The following UNC45A variants were observed in gnomAD, a reference collection of about 807,000 sequenced individuals.
UNC45A encodes the protein unc-45 myosin chaperone A.
UNC45A carries 78 observed loss-of-function variants against 103.2 expected under a neutral mutation model. The ratio of observed to expected loss-of-function variants is 0.76; its 90% CI spans 0.63 to 0.91. UNC45A has a LOEUF of 0.91. Ranked by LOEUF, UNC45A falls within the 40% of genes least tolerant of loss-of-function variation. The pLI is 0.00. For synonymous variants in UNC45A, 495 were observed against 504.6 expected, an observed-to-expected ratio of 0.98 and a Z score of 0.25; for missense variants, 1,193 against 1,224.8, an observed-to-expected ratio of 0.97 and a Z score of 0.39.
At chr15:90,934,526 T>C (rs2151351895), upstream of UNC45A, 1 of 399,032 alleles carries the variant, frequency 2.5e-6, no homozygotes, top group Middle Eastern at 6.3e-4. Flanking sequence ...ATCTGTCCGC[T>C]CTTCCGCCCC....
Position 90,944,994 on chromosome 15 carries a change from A to C in UNC45A, c.1130A>C (p.Lys377Thr). The C allele has an allele frequency of 1.9e-6, 3 of 1,613,034 alleles. No individual in the cohort carries two copies. Among genetic ancestry groups the C allele is most frequent in the Non-Finnish European group, 2.5e-6 (3 of 1,180,026 alleles). The change falls in exon 9 of 20, where the codon AAG becomes ACG. Residue 377 changes from lysine to threonine, a missense_variant. By Grantham distance (78) the Lys-to-Thr change is moderately conservative (BLOSUM62 -1). Coordinates refer to ENST00000418476, the MANE Select transcript of UNC45A (RefSeq NM_018671.5). The stretch of plus-strand genomic sequence containing the variant: ...ATGAGCGCCTCTATTCTCCTCAGCA[A>C]GCTCTTTGATGACCTCAAGTGTGAT... ...SRMSASILLS[K>T]LFDDLKCDAE...
intron 3 of UNC45A, 104 bp from the exon 4 acceptor site, chr15:90,936,181 G>C: frequency 6.5e-7 from 1 of 1,528,204 alleles, no homozygotes; most frequent in Non-Finnish European, 8.8e-7. Context: ...CCCCACATTC[G>C]TCCCCCCCAC....
chr15:90,935,617 C>A lies in UNC45A; in HGVS notation c.125C>A (p.Ala42Glu), dbSNP rs1321583872. The change falls in exon 2 of 20, where the codon GCG (alanine) becomes GAG (glutamate). Residue 42 changes from alanine to glutamate, a missense_variant. Ala to Glu is a moderately radical substitution (Grantham distance 107). Transcript: ENST00000418476. The part of the protein sequence containing the change: ...FKCGDYGGAL[A>E]AYTQALGLDA... ...TGTGGAGACTACGGGGGCGCCCTGGCGGCCTACACTCAGGCCCTGGGTCTG... is the reference window on the plus strand; with the variant it reads ...TGTGGAGACTACGGGGGCGCCCTGGAGGCCTACACTCAGGCCCTGGGTCTG... 9 of 1,612,678 alleles carry A rather than the reference C, an allele frequency of 5.6e-6. No homozygotes were observed. The highest frequency in any genetic ancestry group is 1.6e-4 in the Middle Eastern group (1 of 6,084).
At chr15:90,932,364 A>C, upstream of UNC45A, 1 of 1,019,676 alleles carries the variant, frequency 9.8e-7, no homozygotes, top group Non-Finnish European at 1.3e-6. Context: ...CACGCCCCCC[A>C]CGTTTCCTTC....
intron 4 of UNC45A, 143 bp from the exon 5 acceptor site, chr15:90,939,588 G>C: frequency 1.3e-6 from 1 of 753,264 alleles, no homozygotes; most frequent in East Asian, 2.7e-5. Context: ...GTCTCTTCCT[G>C]CCCAGGGTAG....
At chr15:90,935,804 C>T (rs2035983841) in intron 2 of UNC45A, 99 bp downstream of exon 2, 2 of 1,530,200 alleles carry the variant, frequency 1.3e-6, no homozygotes, top group South Asian at 1.3e-5. Context: ...GCTCCCAGGC[C>T]ATCCCCGCTT....
At chr15:90,932,978 C>T (rs1265995203), upstream of UNC45A, 1 of 125,274 alleles carries the variant, frequency 8.0e-6, no homozygotes, top group Non-Finnish European at 1.6e-5. Flanking sequence ...CATCTTCAAC[C>T]TGTAAAAGCT....
chr15:90,931,157 G>T, upstream of UNC45A: 2 of 1,238,130 alleles, frequency 1.6e-6, no homozygotes, highest in Non-Finnish European at 2.2e-6. Context: ...GTCTTTTTTT[G>T]GCCTCTAATA....
At chr15:90,937,490 GT>G (rs1040369055) in intron 4 of UNC45A, among the ~76,000 whole-genome samples, 24 of 147,384 alleles carry the variant, frequency 1.6e-4, no homozygotes, top group Non-Finnish European at 2.0e-4. Context: ...GAAAATAATT[GT>G]TTTTTTTTTT....
Position 90,953,882 on chromosome 15 carries a change from A to G in UNC45A, c.*166A>G, listed in dbSNP as rs1159492718. The G allele has an allele frequency of 1.0e-6, 1 of 999,246 alleles. No homozygotes were observed. Among genetic ancestry groups the G allele is most frequent in the African/African-American group, 1.6e-5 (1 of 61,782 alleles). 61.9% of individuals were successfully genotyped at this position (999,246 alleles called of 1,614,324 possible). ...CTGTTCTGAGTCAGCGGCCACGTTCAGTCACACAGCCCTGCTTGGCCAGCA... is the reference window on the plus strand; with the variant it reads ...CTGTTCTGAGTCAGCGGCCACGTTCGGTCACACAGCCCTGCTTGGCCAGCA... On this transcript the variant is annotated 3_prime_UTR_variant, in exon 20 of 20. Transcript: ENST00000418476.
chr15:90,948,439 A>C, intron 12 of UNC45A, 156 bp downstream of exon 12: 1 of 1,300,220 alleles, frequency 7.7e-7, no homozygotes, highest in Non-Finnish European at 1.0e-6. Flanking sequence ...CATGTTGGCC[A>C]GCACCAGTGG....
At position 90,936,333 on chromosome 15, in the gene UNC45A, A is replaced by G; in HGVS notation, c.299A>G (p.Gln100Arg). 6.2e-7 allele frequency: 1 copy of G among 1,614,168 alleles called. No individual in the cohort carries two copies. Residue 100 changes from glutamine to arginine, a missense_variant, in exon 4 of 20, where the codon CAA becomes CGA. Transcript: ENST00000418476. ...GTCAAAGCACTCTACCGGCGGAGCC[A>G]AGCCCTAGAGAAGCTGGGCCGCCTG... Reference protein sequence around the residue: ...GDVKALYRRSQALEKLGRLDQ... With the variant: ...GDVKALYRRSRALEKLGRLDQ...
chr15:90,953,047 G>T lies in UNC45A; in HGVS notation c.2421+1G>T. On this transcript the variant is annotated splice_donor_variant, in intron 18 of 19. Transcript: ENST00000418476. LOFTEE classifies it high-confidence loss of function. ...GTGTAACTTGGCCATGAGCAAGGAG[G>T]TGAGGGTTGGTCTGGGTGCTCATGA... 1 of 1,613,602 alleles carries T rather than the reference G, an allele frequency of 6.2e-7. No homozygotes were observed. Among genetic ancestry groups the T allele is most frequent in the Non-Finnish European group, 8.5e-7 (1 of 1,180,038 alleles).
chr15:90,944,766 GAC>G, intron 8 of UNC45A, 124 bp from the exon 9 acceptor site: 1 of 1,162,236 alleles, frequency 8.6e-7, no homozygotes, highest in Non-Finnish European at 1.2e-6. Flanking sequence ...GGCTGCCCTG[GAC>G]ACAGTTGTCA....
intron 6 of UNC45A, among the ~76,000 whole-genome samples, chr15:90,942,004 G>A (rs1443487066): frequency 6.6e-6 from 1 of 151,868 alleles, no homozygotes; most frequent in East Asian, 1.9e-4. Context: ...GGGTGGAGAG[G>A]TCTCACGGGC....
rs2036711073 is a variant in UNC45A at position 90,948,673 on chromosome 15, T to C, written c.1757T>C (p.Leu586Pro). ...QLSRLEERSVLFAVASALVNC... is the reference protein window; with the variant it reads ...QLSRLEERSVPFAVASALVNC... ...TGGCAGTTGGAGGAGAGGTCAGTGCTCTTTGCGGTGGCCTCAGCGCTGGTG... is the reference window on the plus strand; with the variant it reads ...TGGCAGTTGGAGGAGAGGTCAGTGCCCTTTGCGGTGGCCTCAGCGCTGGTG... Residue 586 changes from leucine to proline, a missense_variant, in exon 13 of 20, where the codon CTC becomes CCC. By Grantham distance (98) the Leu-to-Pro change is moderately conservative. Coordinates refer to ENST00000418476, the MANE Select transcript of UNC45A (RefSeq NM_018671.5). The C allele has an allele frequency of 1.2e-6, 2 of 1,614,040 alleles. No homozygotes were observed. The highest frequency in any genetic ancestry group is 1.7e-6 in the Non-Finnish European group (2 of 1,179,984).
At chr15:90,932,117 G>A, upstream of UNC45A, 1 of 1,585,236 alleles carries the variant, frequency 6.3e-7, no homozygotes, top group South Asian at 1.2e-5. Flanking sequence ...ACACCTGACG[G>A]GGAGGGGCAA....
upstream of UNC45A, chr15:90,935,267 C>G: frequency 1.3e-6 from 2 of 1,535,174 alleles, no homozygotes; most frequent in Non-Finnish European, 1.8e-6. Context: ...CGTCCCGAAC[C>G]CAGACTCGCC....
intron 9 of UNC45A, among the ~76,000 whole-genome samples, chr15:90,945,684 T>G: frequency 6.9e-6 from 1 of 144,110 alleles, no homozygotes; most frequent in Admixed American, 7.3e-5. Flanking sequence ...CAGGCTGGAG[T>G]ACAATGGTAT....
Sources: allele counts gnomAD v4.1 joint callset (sites outside exome capture counted in the v4.1 genomes callset), GRCh38; gene constraint gnomAD v4.1.1; transcripts MANE v1.5; gene names NCBI Gene and HGNC (gene_info 2026-07-23, HGNC 2026-07-21).